The following DOCK7 variants were observed in gnomAD, a reference collection of about 807,000 sequenced individuals.
DOCK7 encodes the protein dedicator of cytokinesis 7.
DOCK7 carries 138 observed loss-of-function variants against 271.0 expected under a neutral mutation model. That is an observed-to-expected ratio of 0.51 (90% CI 0.44 to 0.59). DOCK7 has a LOEUF of 0.59. DOCK7 is among the 20% of genes least tolerant of loss of function. DOCK7 has a pLI of 0.00. For missense variants in DOCK7, 2,066 were observed against 2,592.4 expected, an observed-to-expected ratio of 0.80 and a Z score of 4.41; for synonymous variants, 823 against 876.1, an observed-to-expected ratio of 0.94 and a Z score of 1.07.
At chr1:62,567,877 A>G (rs1486300099) in intron 18 of DOCK7, among the ~76,000 whole-genome samples, 1 of 152,170 alleles carries the variant, frequency 6.6e-6, no homozygotes, top group Non-Finnish European at 1.5e-5. Flanking sequence ...TAAAAATAAC[A>G]GTTCTCTTCA....
intron 29 of DOCK7, 46 bp downstream of exon 29, chr1:62,535,447 T>A (rs761664705): frequency 6.4e-7 from 1 of 1,569,966 alleles, no homozygotes; most frequent in Non-Finnish European, 8.7e-7. Context: ...TGTCCACTGT[T>A]CAAAATCAAA....
At chr1:62,654,604 TAA>T (rs1657770582) in intron 2 of DOCK7, among the ~76,000 whole-genome samples, 1 of 152,138 alleles carries the variant, frequency 6.6e-6, no homozygotes, top group African/African-American at 2.4e-5. Flanking sequence ...TGGGGTAGGC[TAA>T]AAAATGTCCC....
intron 43 of DOCK7, chr1:62,483,690 C>G (rs1646207506): frequency 6.6e-6 from 1 of 151,958 alleles, no homozygotes; most frequent in East Asian, 1.9e-4. Context: ...TCAAGCAATC[C>G]TCCCACCTCA....
At chr1:62,458,928 A>G (rs960396103) in intron 48 of DOCK7, 4 of 152,254 alleles carry the variant, frequency 2.6e-5, no homozygotes, top group African/African-American at 9.6e-5. Flanking sequence ...AAGGATATTT[A>G]CAAATAATAT....
intron 7 of DOCK7, among the ~76,000 whole-genome samples, chr1:62,637,194 C>T (rs576946720): frequency 3.9e-5 from 6 of 152,140 alleles, no homozygotes; most frequent in East Asian, 1.9e-4. Context: ...CAAATTTTCA[C>T]GTTATAAATA....
chr1:62,577,201 T>C (rs1247483109), intron 18 of DOCK7, 61 bp downstream of exon 18: 2 of 1,070,754 alleles, frequency 1.9e-6, no homozygotes, highest in African/African-American at 1.6e-5. Flanking sequence ...GGTAAAAACA[T>C]CTTTATAGTA....
chr1:62,584,842 G>T, intron 15 of DOCK7: 1 of 721,296 alleles, frequency 1.4e-6, no homozygotes, highest in Non-Finnish European at 2.6e-6. Flanking sequence ...AGAGGGAGAG[G>T]TCTAACTGTC....
Position 62,511,924 on chromosome 1 carries a change from G to A in DOCK7, c.4283-1251C>T, listed in dbSNP as rs144230533. On this transcript the variant is annotated intron_variant, in intron 33 of 49. Coordinates refer to ENST00000635253, the MANE Select transcript of DOCK7 (RefSeq NM_001367561.1). ...CTATTAGTAGACCTAATAAGCCAAT[G>A]TCTATTATTGACCTAGCTTAAATGT... Among the ~76,000 whole-genome samples, 657 of 152,176 alleles carry A rather than the reference G, an allele frequency of 4.3e-3. 6 individuals are homozygous for A. Among genetic ancestry groups the A allele is most frequent in the Middle Eastern group, 0.014 (4 of 280 alleles).
At chr1:62,671,195 G>A (rs1178978585) in intron 1 of DOCK7, among the ~76,000 whole-genome samples, 1 of 152,120 alleles carries the variant, frequency 6.6e-6, no homozygotes, top group Non-Finnish European at 1.5e-5. Context: ...CACTCACTGC[G>A]AGGGTCCACG....
chr1:62,486,309 A>G (rs1287248792), intron 43 of DOCK7: 1 of 152,126 alleles, frequency 6.6e-6, no homozygotes, highest in Non-Finnish European at 1.5e-5. Context: ...CTCAGTAGTA[A>G]TATTTATTCC....
chr1:62,527,499 C>T (rs986417499), intron 31 of DOCK7, among the ~76,000 whole-genome samples: 2 of 151,820 alleles, frequency 1.3e-5, no homozygotes, highest in East Asian at 1.9e-4. Context: ...ATTAAGAAAA[C>T]GTGGCACATA....
chr1:62,632,439 T>C (rs1205945504), intron 10 of DOCK7, among the ~76,000 whole-genome samples: 2 of 152,116 alleles, frequency 1.3e-5, no homozygotes, highest in Non-Finnish European at 2.9e-5. Flanking sequence ...GAAAAAAATA[T>C]CATGTGCTCA....
At position 62,641,910 on chromosome 1, in the gene DOCK7, T is replaced by C. The variant is rs142583952; in HGVS notation, c.819-5307A>G. Among the ~76,000 whole-genome samples, 980 of 152,284 alleles carry C rather than the reference T, an allele frequency of 6.4e-3. 8 individuals are homozygous for C. The highest frequency in any genetic ancestry group is 0.018 in the South Asian group (85 of 4,818). Reference sequence around the variant, plus strand: ...GTTAATATTTGCCATTATATCGTAATATATATTTTTACTTTCAATCTTTCT... The same window carrying C: ...GTTAATATTTGCCATTATATCGTAACATATATTTTTACTTTCAATCTTTCT... On this transcript the variant is annotated intron_variant, in intron 7 of 49. Transcript: ENST00000635253.
chr1:62,508,025 A>T lies in DOCK7; in HGVS notation c.4413T>A (p.Ile1471=). The part of the protein sequence containing the change: ...SRAEIEHEAL[I]DGNLATEANL... ...TTGCTTCTGTAGCCAGGTTTCCATC[A>T]ATCAGTGCTTCGTGTTCAATCTCTG... Residue 1471 remains isoleucine (I), a synonymous_variant, in exon 35 of 50, where the codon ATT becomes ATA. Coordinates refer to ENST00000635253, the MANE Select transcript of DOCK7 (RefSeq NM_001367561.1). 1 of 1,612,980 alleles carries T rather than the reference A, an allele frequency of 6.2e-7. No homozygotes were observed. Among genetic ancestry groups the T allele is most frequent in the African/African-American group, 1.3e-5 (1 of 74,986 alleles).
chr1:62,586,785 A>G (rs991444867), intron 14 of DOCK7, among the ~76,000 whole-genome samples, 161 bp from the exon 15 acceptor site: 8 of 152,182 alleles, frequency 5.3e-5, no homozygotes, highest in African/African-American at 1.9e-4. Flanking sequence ...TACTCCTGAG[A>G]GCAATCATTC....
At chr1:62,639,994 CAT>C (rs1330800298) in intron 7 of DOCK7, among the ~76,000 whole-genome samples, 2 of 151,358 alleles carry the variant, frequency 1.3e-5, no homozygotes, top group Middle Eastern at 3.4e-3. Context: ...TACTATCAAA[CAT>C]AGGCATGTTT....
At chr1:62,485,395 G>A in intron 43 of DOCK7, 4 of 985,110 alleles carry the variant, frequency 4.1e-6, no homozygotes, top group Non-Finnish European at 4.8e-6. Flanking sequence ...CAAATAATTT[G>A]CACTAAATCA....
intron 14 of DOCK7, chr1:62,608,295 T>C (rs1651295917): frequency 6.6e-6 from 1 of 152,118 alleles, no homozygotes; most frequent in East Asian, 1.9e-4. Context: ...TGGCCCCAAA[T>C]TACCTCTTCA....
intron 11 of DOCK7, among the ~76,000 whole-genome samples, chr1:62,626,274 G>C (rs1414319682): frequency 1.3e-5 from 2 of 151,806 alleles, no homozygotes; most frequent in Non-Finnish European, 2.9e-5. Flanking sequence ...ATTTTAAAAA[G>C]AACTATCTCA....
Sources: allele counts gnomAD v4.1 joint callset (sites outside exome capture counted in the v4.1 genomes callset), GRCh38; gene constraint gnomAD v4.1.1; transcripts MANE v1.5; gene names NCBI Gene and HGNC (gene_info 2026-07-23, HGNC 2026-07-21).